DYNAP: variants seen among roughly 807,000 people sequenced by gnomAD.
DYNAP encodes the protein dynactin-associated protein.
A neutral mutation model predicts 8.5 loss-of-function variants in DYNAP; 7 were observed. That is an observed-to-expected ratio of 0.82 (90% CI 0.47 to 1.54). The LOEUF (loss-of-function observed/expected upper bound fraction) is 1.54, where lower values mean the gene tolerates loss of function less well. DYNAP is among the 40% of genes most tolerant of loss of function. DYNAP has a pLI of 0.01. For missense variants in DYNAP, 256 were observed against 224.3 expected, an observed-to-expected ratio of 1.14 and a Z score of -0.90; for synonymous variants, 77 against 77.9, an observed-to-expected ratio of 0.99 and a Z score of 0.06.
rs189695896 is a variant in DYNAP, at chr18:54,595,718, G to C, written c.222+615G>C. Among the ~76,000 whole-genome samples the C allele has an allele frequency of 1.1e-3, 167 of 152,182 alleles. 3 individuals carry two copies. The South Asian group carries it at 0.03, about 27-fold the overall frequency. Reference sequence around the variant, plus strand: ...GTAGGCTGAATGAACTTTACCTCACGACTGTATCTTTAAGTCTTCAGCCCT... The same window carrying C: ...GTAGGCTGAATGAACTTTACCTCACCACTGTATCTTTAAGTCTTCAGCCCT... On this transcript the variant is annotated intron_variant, in intron 2 of 2. Transcript: ENST00000648945.
Position 54,598,127 on chromosome 18 carries a change from A to G in DYNAP, c.537A>G (p.Ala179=). 1.9e-6 allele frequency: 3 copies of G among 1,609,582 alleles called. No homozygotes were observed. The highest frequency in any genetic ancestry group is 2.5e-6 in the Non-Finnish European group (3 of 1,177,354). ...ATTSTEPITV[A]PTDHL is the part of the protein sequence containing the mutation. Reference sequence around the variant, plus strand: ...CTTCCACAGAACCTATAACTGTTGCACCTACCGATCATTTATAATTTGAAC... The same window carrying G: ...CTTCCACAGAACCTATAACTGTTGCGCCTACCGATCATTTATAATTTGAAC... The change falls in exon 3 of 3, where the codon GCA becomes GCG. Residue 179 remains alanine (A), a synonymous_variant. Coordinates refer to ENST00000648945, the MANE Select transcript of DYNAP (RefSeq NM_173629.3).
At chr18:54,584,606 TATTAAAAC>T (rs1910815689), upstream of DYNAP, among the ~76,000 whole-genome samples, 2 of 152,284 alleles carry the variant, frequency 1.3e-5, no homozygotes, top group African/African-American at 4.8e-5. Flanking sequence ...TTTTGGAATA[TATTAAAAC>T]ATTAAAACAT....
rs202212805 is a variant in DYNAP at position 54,592,440 on chromosome 18, ATATAAC to A, written c.57+1106_57+1111del. Among the ~76,000 whole-genome samples, 894 of 152,200 alleles carry A rather than the reference ATATAAC, an allele frequency of 5.9e-3. 15 individuals are homozygous for A. Among genetic ancestry groups the A allele is most frequent in the African/African-American group, 0.02 (830 of 41,542 alleles). ...ACTTTATTATATTATTCAGGCATAGATATAACTATATTTTTCTCTTCAAACCAAATT... is the reference window on the plus strand; with the variant it reads ...ACTTTATTATATTATTCAGGCATAGATATATTTTTCTCTTCAAACCAAATT... On this transcript the variant is annotated intron_variant, in intron 1 of 2. Transcript: ENST00000648945.
chr18:54,579,449 G>A, the DYNAP span, among the ~76,000 whole-genome samples: 2 of 152,150 alleles, frequency 1.3e-5, no homozygotes, highest in Non-Finnish European at 2.9e-5. Flanking sequence ...CAATACATAA[G>A]TCAAGAAAAT....
chr18:54,595,847 A>G (rs1398604990), intron 2 of DYNAP, among the ~76,000 whole-genome samples: 2 of 152,128 alleles, frequency 1.3e-5, no homozygotes, highest in Non-Finnish European at 2.9e-5. Flanking sequence ...TAGTCTTGCT[A>G]TAGAGACTCA....
Position 54,598,178 on chromosome 18 carries a change from ACT to A in DYNAP, c.*34_*35del. ...AGCCATAGCCATCACTTCAACTGAA[ACT>A]TCAACCTCTACCACTTCAACTCAGT... On this transcript the variant is annotated 3_prime_UTR_variant, in exon 3 of 3. Coordinates refer to ENST00000648945, the MANE Select transcript of DYNAP (RefSeq NM_173629.3). 6.4e-7 allele frequency: 1 copy of A among 1,571,730 alleles called. No homozygotes were observed. Among genetic ancestry groups the A allele is most frequent in the Non-Finnish European group, 8.6e-7 (1 of 1,156,454 alleles).
At chr18:54,591,155 A>G, upstream of DYNAP, 2 of 1,574,218 alleles carry the variant, frequency 1.3e-6, no homozygotes, top group Non-Finnish European at 1.7e-6. Flanking sequence ...TTTAATCCAC[A>G]CTTGTACTGA....
At chr18:54,585,276 A>T (rs1024057353), upstream of DYNAP, among the ~76,000 whole-genome samples, 3 of 152,024 alleles carry the variant, frequency 2.0e-5, no homozygotes, top group Non-Finnish European at 4.4e-5. Flanking sequence ...AAAACTAGTT[A>T]TTCTACATCT....
chr18:54,577,005 A>G, the DYNAP span, among the ~76,000 whole-genome samples: 1 of 152,206 alleles, frequency 6.6e-6, no homozygotes, highest in East Asian at 1.9e-4. Context: ...AGCTTTATGT[A>G]GAGTATCTTT....
the DYNAP span, among the ~76,000 whole-genome samples, chr18:54,578,893 G>A: frequency 1.3e-5 from 2 of 152,104 alleles, no homozygotes; most frequent in Admixed American, 6.5e-5. Flanking sequence ...TCCGCCTCCT[G>A]GGTTCATGCC....
chr18:54,598,405 C>G lies in DYNAP; in HGVS notation c.*260C>G. 2.4e-6 allele frequency: 1 copy of G among 423,902 alleles called. No homozygotes were observed. Among genetic ancestry groups the G allele is most frequent in the South Asian group, 4.7e-5 (1 of 21,470 alleles). The allele number at this position is 423,902 out of a possible 1,614,324, so 26.3% of individuals were successfully genotyped here. On this transcript the variant is annotated 3_prime_UTR_variant, in exon 3 of 3. Coordinates refer to ENST00000648945, the MANE Select transcript of DYNAP (RefSeq NM_173629.3). ...CATTCCCTTCAACTGAATCTGCAAC[C>G]ACTTCCACTTAACCTATAACTACTG... is the stretch of plus-strand genomic sequence containing the variant.
intron 2 of DYNAP, among the ~76,000 whole-genome samples, chr18:54,596,450 A>C (rs370608864): frequency 5.3e-5 from 8 of 152,190 alleles, no homozygotes; most frequent in African/African-American, 1.9e-4. Context: ...CCTGAGCCCC[A>C]CCCCAGACTA....
At chr18:54,595,912 A>G (rs943499057) in intron 2 of DYNAP, among the ~76,000 whole-genome samples, 14 of 152,206 alleles carry the variant, frequency 9.2e-5, no homozygotes, top group African/African-American at 3.1e-4. Context: ...TATGAACTTT[A>G]TACTGTTTCT....
At chr18:54,583,536 A>G (rs1330986038), upstream of DYNAP, among the ~76,000 whole-genome samples, 2 of 152,170 alleles carry the variant, frequency 1.3e-5, no homozygotes, top group African/African-American at 4.8e-5. Context: ...CCAAATGTCT[A>G]CCTCATCTTC....
the DYNAP span, among the ~76,000 whole-genome samples, chr18:54,582,012 C>T: frequency 6.6e-6 from 1 of 152,252 alleles, no homozygotes; most frequent in South Asian, 2.1e-4. Context: ...TCCGGCCGGG[C>T]GCGATGGCTC....
chr18:54,577,765 C>G, the DYNAP span, among the ~76,000 whole-genome samples: 1 of 151,496 alleles, frequency 6.6e-6, no homozygotes. Context: ...GTCAGAAGTT[C>G]GAGACCAGCT....
At chr18:54,594,732 T>C (rs1911212874) in intron 1 of DYNAP, among the ~76,000 whole-genome samples, 1 of 152,162 alleles carries the variant, frequency 6.6e-6, no homozygotes, top group Non-Finnish European at 1.5e-5. Context: ...TACACATTCC[T>C]GAACTAGAAC....
rs977111468 is a variant in DYNAP at position 54,595,104 on chromosome 18, G to A, written c.222+1G>A. 37 of 1,610,148 alleles carry A rather than the reference G, an allele frequency of 2.3e-5. No individual in the cohort carries two copies. The highest frequency in any genetic ancestry group is 3.1e-5 in the Non-Finnish European group (37 of 1,177,820). ...ACAGTCAGAATCCTGTAACACACAG[G>A]TAATGTGTAGCACGGGAGCTTTTAT... is the stretch of plus-strand genomic sequence containing the variant. On this transcript the variant is annotated splice_donor_variant, in intron 2 of 2. Coordinates refer to ENST00000648945, the MANE Select transcript of DYNAP (RefSeq NM_173629.3). LOFTEE classifies it high-confidence loss of function.
chr18:54,583,658 T>C (rs1471315385), upstream of DYNAP, among the ~76,000 whole-genome samples: 2 of 152,138 alleles, frequency 1.3e-5, no homozygotes, highest in Non-Finnish European at 2.9e-5. Flanking sequence ...ACAAATAAAA[T>C]AACAATAAAA....
Sources: allele counts gnomAD v4.1 joint callset (sites outside exome capture counted in the v4.1 genomes callset), GRCh38; gene constraint gnomAD v4.1.1; transcripts MANE v1.5; gene names NCBI Gene and HGNC (gene_info 2026-07-23, HGNC 2026-07-21).